CCDC186: variants seen among roughly 807,000 people sequenced by gnomAD.
CCDC186 encodes the protein coiled-coil domain containing 186.
Under a neutral mutation model 113.7 loss-of-function variants are expected in CCDC186, and 49 were observed. The observed-to-expected ratio is 0.43, with a 90% CI of 0.34 to 0.55. The LOEUF (loss-of-function observed/expected upper bound fraction) is 0.55. Among genes scored for constraint, CCDC186 ranks in the 20% least tolerant of loss-of-function variants. The pLI, the probability that CCDC186 is intolerant of heterozygous loss-of-function variation, is 0.02. For missense variants in CCDC186, 890 were observed against 1,011.1 expected (o/e 0.88, Z 1.62); for synonymous variants, 355 against 345.8 (o/e 1.03, Z -0.30).
At chr10:114,153,019 T>C (rs1265638307) in intron 3 of CCDC186, among the ~76,000 whole-genome samples, 1 of 152,126 alleles carries the variant, frequency 6.6e-6, no homozygotes, top group Non-Finnish European at 1.5e-5. Flanking sequence ...AAGTCAACAA[T>C]AGTTGGAGAC....
intron 2 of CCDC186, among the ~76,000 whole-genome samples, chr10:114,159,223 A>G (rs181027811): frequency 6.6e-6 from 1 of 152,364 alleles, no homozygotes; most frequent in East Asian, 1.9e-4. Flanking sequence ...TATGTGAGGC[A>G]TACTCAATTG....
At position 114,162,898 on chromosome 10, in the gene CCDC186, G is replaced by A; in HGVS notation, c.371C>T (p.Ser124Leu). The A allele has an allele frequency of 1.9e-6, 3 of 1,613,880 alleles. No individual in the cohort carries two copies. Among genetic ancestry groups the A allele is most frequent in the Non-Finnish European group, 2.5e-6 (3 of 1,179,910 alleles). ...KVTQILVELR[S>L]STFPESANEK... is the part of the protein sequence containing the mutation. The stretch of plus-strand genomic sequence containing the variant: ...ATTAGCTGATTCTGGAAATGTAGAT[G>A]ACCTTAATTCCACCAATATTTGTGT... The change falls in exon 2 of 16, where the codon TCA becomes TTA. Residue 124 changes from serine (S) to leucine (L), a missense_variant. Physicochemically the swap from Ser to Leu is moderately radical, Grantham distance 145. Transcript: ENST00000369287.
At chr10:114,155,412 C>T (rs764441748) in intron 3 of CCDC186, among the ~76,000 whole-genome samples, 63 of 152,220 alleles carry the variant, frequency 4.1e-4, no homozygotes, top group Admixed American at 1.1e-3. Flanking sequence ...CAGTGGCTCA[C>T]GCCTGTAATC....
At position 114,162,625 on chromosome 10, in the gene CCDC186, T is replaced by C; in HGVS notation, c.632+12A>G. ...AGGGAAAAAAAATAACCTAAAGGTA[T>C]AAAAAACTTACTTTTTTATGATATG... On this transcript the variant is annotated intron_variant, in intron 2 of 15. Transcript: ENST00000369287. 1 of 1,532,790 alleles carries C rather than the reference T, an allele frequency of 6.5e-7. No homozygotes were observed. Among genetic ancestry groups the C allele is most frequent in the Non-Finnish European group, 8.7e-7 (1 of 1,143,252 alleles). 94.9% of individuals were successfully genotyped at this position (1,532,790 alleles called of 1,614,324 possible). A position where few individuals can be genotyped will look rare whatever the true frequency, so the allele number is the denominator to read the frequency against.
rs1218024203 is a variant in CCDC186 at position 114,164,110 on chromosome 10, A to ATT, written c.-61-782_-61-781insAA. ...TGTGTGTGTGTGTGTGTGTATATAT[A>ATT]TATATTTTTTTTTTTTTTTTTTTTT... On this transcript the variant is annotated intron_variant, in intron 1 of 15. Coordinates refer to ENST00000369287, the MANE Select transcript of CCDC186 (RefSeq NM_018017.4). Among the ~76,000 whole-genome samples, 96 of 103,396 alleles carry ATT rather than the reference A, an allele frequency of 9.3e-4. 6 individuals carry two copies. Among genetic ancestry groups the ATT allele is most frequent in the African/African-American group, 3.4e-3 (89 of 25,908 alleles). The allele number at this position is 103,396 out of a possible 152,430, so 67.8% of individuals were successfully genotyped here. A position where few individuals can be genotyped will look rare whatever the true frequency, so the allele number is the denominator to read the frequency against.
At chr10:114,140,059 T>C (rs2031417043) in intron 6 of CCDC186, among the ~76,000 whole-genome samples, 1 of 152,238 alleles carries the variant, frequency 6.6e-6, no homozygotes, top group African/African-American at 2.4e-5. Context: ...CATTGTTCTA[T>C]GCTCCAGGGA....
At chr10:114,157,064 C>T (rs1445035357) in intron 3 of CCDC186, among the ~76,000 whole-genome samples, 4 of 151,986 alleles carry the variant, frequency 2.6e-5, no homozygotes, top group Admixed American at 1.3e-4. Context: ...AAAGGAAATA[C>T]ATCAGGCTAT....
Position 114,163,668 on chromosome 10 carries a change from T to C in CCDC186, c.-61-339A>G, listed in dbSNP as rs144536675. On this transcript the variant is annotated intron_variant, in intron 1 of 15. Coordinates refer to ENST00000369287, the MANE Select transcript of CCDC186 (RefSeq NM_018017.4). The stretch of plus-strand genomic sequence containing the variant: ...CAACTAGACGAGTGCCAAAGAATGC[T>C]TAGAATTCCTTCAGCTCTGTAAAGA... Among the ~76,000 whole-genome samples, 1,126 of 152,316 alleles carry C rather than the reference T, an allele frequency of 7.4e-3. 14 individuals carry two copies. Among genetic ancestry groups the C allele is most frequent in the African/African-American group, 0.026 (1,060 of 41,564 alleles).
chr10:114,130,573 G>A (rs1356657753), intron 12 of CCDC186: 1 of 152,098 alleles, frequency 6.6e-6, no homozygotes, highest in Non-Finnish European at 1.5e-5. Context: ...ATAACTTTCT[G>A]GGGTCTGTTT....
intron 4 of CCDC186, among the ~76,000 whole-genome samples, chr10:114,149,667 A>G (rs2119795940): frequency 3.2e-5 from 1 of 30,920 alleles, no homozygotes; most frequent in Non-Finnish European, 6.2e-5. Flanking sequence ...GAAGGAAGGA[A>G]AGGAGGGAAG....
chr10:114,144,800 T>C (rs935222945), intron 5 of CCDC186, among the ~76,000 whole-genome samples, 184 bp from the exon 6 acceptor site: 3 of 152,134 alleles, frequency 2.0e-5, no homozygotes, highest in Admixed American at 6.6e-5. Flanking sequence ...CTAAATCCAA[T>C]TAATAGACAC....
At chr10:114,168,497 A>G (rs561839973) in intron 1 of CCDC186, among the ~76,000 whole-genome samples, 32 of 152,320 alleles carry the variant, frequency 2.1e-4, no homozygotes, top group Admixed American at 1.3e-3. Flanking sequence ...CTATTGTAAA[A>G]TCTAAGATTG....
In CCDC186 at chr10:114,124,858, G is replaced by T. The variant is rs984587003; in HGVS notation, c.*285C>A. 13 of 290,614 alleles carry T rather than the reference G, an allele frequency of 4.5e-5. No individual in the cohort carries two copies. Among genetic ancestry groups the T allele is most frequent in the Non-Finnish European group, 7.5e-5 (12 of 159,090 alleles). The allele number at this position is 290,614 out of a possible 1,614,324, so 18.0% of individuals were successfully genotyped here. Reference sequence around the variant, plus strand: ...CAAAGGGTTTTTTATAAAAGCCCTTGTAATGTTCAACACTTCTTATGAATA... The same window carrying T: ...CAAAGGGTTTTTTATAAAAGCCCTTTTAATGTTCAACACTTCTTATGAATA... On this transcript the variant is annotated 3_prime_UTR_variant, in exon 16 of 16. Transcript: ENST00000369287.
intron 15 of CCDC186, 35 bp from the exon 16 acceptor site, chr10:114,125,261 AAAAC>A: frequency 7.0e-7 from 1 of 1,434,648 alleles, no homozygotes; most frequent in Non-Finnish European, 9.7e-7. Flanking sequence ...AGGGAAGAGA[AAAAC>A]AAAAGTATAA....
At chr10:114,165,941 CA>C (rs2032325528) in intron 1 of CCDC186, 2 of 983,412 alleles carry the variant, frequency 2.0e-6, no homozygotes. Context: ...AACTTTTCTT[CA>C]GAGAAAACAA....
rs2031843389 is a variant in CCDC186 at position 114,151,088 on chromosome 10, A to T, written c.888+4T>A. ...GTTAATAATGACAACGATGTGAGAAATACCTGTTCCATCCGTTGGGCCATC... is the reference window on the plus strand; with the variant it reads ...GTTAATAATGACAACGATGTGAGAATTACCTGTTCCATCCGTTGGGCCATC... On this transcript the variant is annotated splice_donor_region_variant and intron_variant, in intron 4 of 15. Coordinates refer to ENST00000369287, the MANE Select transcript of CCDC186 (RefSeq NM_018017.4). The T allele has an allele frequency of 6.2e-7, 1 of 1,610,338 alleles. No individual in the cohort carries two copies. The highest frequency in any genetic ancestry group is 1.3e-5 in the African/African-American group (1 of 74,790).
Position 114,144,492 on chromosome 10 carries a change from C to G in CCDC186, c.1221+5G>C. ...ATCATTATTCCATTGTATTACAGTA[C>G]GTACCTTGTGTGAATCCATTTCAGC... On this transcript the variant is annotated splice_donor_5th_base_variant and intron_variant, in intron 6 of 15. Transcript: ENST00000369287. 1 of 1,612,054 alleles carries G rather than the reference C, an allele frequency of 6.2e-7. No individual in the cohort carries two copies. The highest frequency in any genetic ancestry group is 8.5e-7 in the Non-Finnish European group (1 of 1,179,018).
At chr10:114,170,177 C>T (rs2032452348) in intron 1 of CCDC186, among the ~76,000 whole-genome samples, 2 of 151,550 alleles carry the variant, frequency 1.3e-5, no homozygotes, top group South Asian at 2.1e-4. Flanking sequence ...AAGTTTCATA[C>T]AAGGTGAATT....
rs1451027828 is a variant in CCDC186, at chr10:114,120,949, C to T, written c.*4194G>A. ...TTCATTTTATACAGAAACATATTTA[C>T]AAGAAACAGTGTAATCAAATTAAAG... On this transcript the variant is annotated 3_prime_UTR_variant, in exon 16 of 16. Coordinates refer to ENST00000369287, the MANE Select transcript of CCDC186 (RefSeq NM_018017.4). 1 of 151,982 alleles carries T rather than the reference C, an allele frequency of 6.6e-6. No individual in the cohort carries two copies. Among genetic ancestry groups the T allele is most frequent in the Non-Finnish European group, 1.5e-5 (1 of 67,994 alleles). The allele number at this position is 151,982 out of a possible 1,614,324, so 9.4% of individuals were successfully genotyped here. A position where few individuals can be genotyped will look rare whatever the true frequency, so the allele number is the denominator to read the frequency against.
Sources: allele counts gnomAD v4.1 joint callset (sites outside exome capture counted in the v4.1 genomes callset), GRCh38; gene constraint gnomAD v4.1.1; transcripts MANE v1.5; gene names NCBI Gene and HGNC (gene_info 2026-07-23, HGNC 2026-07-21).